Variants in PTPRN observed in about 807,000 individuals in gnomAD.
PTPRN encodes receptor-type tyrosine-protein phosphatase-like N.
PTPRN carries 70 observed loss-of-function variants against 108.5 expected under a neutral mutation model. That is an observed-to-expected ratio of 0.65 (90% CI 0.53 to 0.79). The LOEUF is 0.79. PTPRN is among the 30% of genes least tolerant of loss of function. The pLI is 0.00. For missense variants in PTPRN, 1,136 were observed against 1,295.5 expected (o/e 0.88, Z 1.89); for synonymous variants, 496 against 524.6 (o/e 0.95, Z 0.75).
chr2:219,296,033 T>A lies in PTPRN; in HGVS notation c.2508+193A>T. The A allele has an allele frequency of 1.4e-6, 1 of 700,330 alleles. No individual in the cohort carries two copies. 43.4% of individuals were successfully genotyped at this position (700,330 alleles called of 1,614,324 possible). ...ATGTTCTGTAAACAGGACACACACA[T>A]GTATATATGTGAATATATGGGTATG... On this transcript the variant is annotated intron_variant, in intron 18 of 22. Transcript: ENST00000295718. The surrounding 1 kb of genome is among the most constrained non-coding windows in gnomAD (Gnocchi z 6.0).
intron 1 of PTPRN, among the ~76,000 whole-genome samples, chr2:219,308,588 GCTGA>G (rs891443533): frequency 1.5e-5 from 2 of 136,242 alleles, no homozygotes; most frequent in African/African-American, 2.7e-5. Flanking sequence ...GTGAGTCAGC[GCTGA>G]CTGTCTCTGT....
intron 6 of PTPRN, 64 bp from the exon 7 acceptor site, chr2:219,301,783 G>C: frequency 6.5e-7 from 1 of 1,538,326 alleles, no homozygotes; most frequent in Non-Finnish European, 8.8e-7. Context: ...ATGCAGATGA[G>C]TGAGTGAGGG....
Position 219,307,464 on chromosome 2 carries a change from A to G in PTPRN, c.260T>C (p.Leu87Pro). The G allele has an allele frequency of 6.2e-7, 1 of 1,614,110 alleles. No individual in the cohort carries two copies. The highest frequency in any genetic ancestry group is 8.5e-7 in the Non-Finnish European group (1 of 1,179,998). The change falls in exon 3 of 23, where the codon CTC becomes CCC. Residue 87 changes from leucine to proline, a missense_variant. By Grantham distance (98) the Leu-to-Pro change is moderately conservative (BLOSUM62 -3). Coordinates refer to ENST00000295718, the MANE Select transcript of PTPRN (RefSeq NM_002846.4). Reference sequence around the variant, plus strand: ...CTTACCTTGGGACATGAGTTGTCGGAGCACACCTTGTAAGCGTTGGAGAAC... The same window carrying G: ...CTTACCTTGGGACATGAGTTGTCGGGGCACACCTTGTAAGCGTTGGAGAAC... Reference protein sequence around the residue: ...SPVLQRLQGVLRQLMSQGLSW... With the variant: ...SPVLQRLQGVPRQLMSQGLSW...
Position 219,291,934 on chromosome 2 carries a change from G to A in PTPRN, c.2676-411C>T, listed in dbSNP as rs958892311. On this transcript the variant is annotated intron_variant, in intron 19 of 22. Coordinates refer to ENST00000295718, the MANE Select transcript of PTPRN (RefSeq NM_002846.4). ...ATGGTAGCAGGTGGCAACTATTAATGATAATACATCATCATATTAAGAGAC... is the reference window on the plus strand; with the variant it reads ...ATGGTAGCAGGTGGCAACTATTAATAATAATACATCATCATATTAAGAGAC... 3 of 231,096 alleles carry A rather than the reference G, an allele frequency of 1.3e-5. No homozygotes were observed. The East Asian group carries it at 3.7e-4, about 29-fold the overall frequency. 14.3% of individuals were successfully genotyped at this position (231,096 alleles called of 1,614,324 possible). A position where few individuals can be genotyped will look rare whatever the true frequency, so the allele number is the denominator to read the frequency against.
Position 219,300,051 on chromosome 2 carries a change from G to C in PTPRN, c.1370C>G (p.Thr457Arg). The C allele has an allele frequency of 6.2e-7, 1 of 1,614,234 alleles. No individual in the cohort carries two copies. Among genetic ancestry groups the C allele is most frequent in the Non-Finnish European group, 8.5e-7 (1 of 1,180,046 alleles). Reference sequence around the variant, plus strand: ...GCGGGCTGAGGGCTGTCCTGCCACCGTGGGCTGGCTCTGGCCCAGTGGGCT... The same window carrying C: ...GCGGGCTGAGGGCTGTCCTGCCACCCTGGGCTGGCTCTGGCCCAGTGGGCT... ...KKSPLGQSQP[T>R]VAGQPSARPA... is the part of the protein sequence containing the mutation. The change falls in exon 9 of 23, where the codon ACG becomes AGG. Residue 457 changes from threonine (T) to arginine (R), a missense_variant. By Grantham distance (71) the Thr-to-Arg change is moderately conservative (BLOSUM62 -1). Coordinates refer to ENST00000295718, the MANE Select transcript of PTPRN (RefSeq NM_002846.4).
At chr2:219,298,852 A>G in intron 12 of PTPRN, 195 bp downstream of exon 12, 1 of 674,966 alleles carries the variant, frequency 1.5e-6, no homozygotes, top group Admixed American at 2.2e-5. Flanking sequence ...CTGGTCCTGC[A>G]GGGAGGGGAC....
chr2:219,303,863 C>T, intron 3 of PTPRN, 32 bp from the exon 4 acceptor site: 1 of 1,560,912 alleles, frequency 6.4e-7, no homozygotes, highest in Non-Finnish European at 8.7e-7. Context: ...TAAGTTGGTT[C>T]AGGAGTCTGG....
intron 19 of PTPRN, chr2:219,294,243 A>T (rs779912650): frequency 4.5e-4 from 204 of 453,648 alleles, no homozygotes; most frequent in Non-Finnish European, 2.1e-4. Flanking sequence ...AAGGACAGAG[A>T]GAGGAAAGAC....
chr2:219,301,802 G>C, intron 6 of PTPRN, 83 bp from the exon 7 acceptor site: 3 of 1,468,820 alleles, frequency 2.0e-6, no homozygotes, highest in Non-Finnish European at 2.8e-6. Flanking sequence ...GGTGGGAAGG[G>C]ACTAGCATGT....
In PTPRN at chr2:219,297,140, G is replaced by C. The variant is rs1354285076; in HGVS notation, c.2089-8C>G. ...GTGATCCTCCATGTATGCCTGTGGG[G>C]GCACCACGGTCTGGCTCTGGCCCAC... is the stretch of plus-strand genomic sequence containing the variant. On this transcript the variant is annotated splice_polypyrimidine_tract_variant and splice_region_variant and intron_variant, in intron 14 of 22. Transcript: ENST00000295718. The surrounding 1 kb of genome is among the most constrained non-coding windows in gnomAD (Gnocchi z 6.0). 1 of 1,613,596 alleles carries C rather than the reference G, an allele frequency of 6.2e-7. No homozygotes were observed. Among genetic ancestry groups the C allele is most frequent in the African/African-American group, 1.3e-5 (1 of 74,942 alleles).
At position 219,297,468 on chromosome 2, in the gene PTPRN, C is replaced by A; in HGVS notation, c.1888-35G>T. ...AAGAATCAGGTGAGGTCCAAGAGTC[C>A]CCTGAAACTTTTCAACAGGGCCCTG... is the stretch of plus-strand genomic sequence containing the variant. On this transcript the variant is annotated intron_variant, in intron 13 of 22. Transcript: ENST00000295718. This position sits in a 1 kb window ranked among gnomAD's most constrained non-coding sequence, Gnocchi z 6.0. 1 of 1,605,008 alleles carries A rather than the reference C, an allele frequency of 6.2e-7. No homozygotes were observed. The highest frequency in any genetic ancestry group is 8.5e-7 in the Non-Finnish European group (1 of 1,172,682).
chr2:219,298,990 C>T (rs533141499), intron 12 of PTPRN, 57 bp downstream of exon 12: 4 of 1,602,430 alleles, frequency 2.5e-6, no homozygotes, highest in East Asian at 2.2e-5. Context: ...GCCTCCAGCT[C>T]TTGCGGACAA....
chr2:219,299,334 A>G lies in PTPRN; in HGVS notation c.1574T>C (p.Leu525Pro), dbSNP rs1342977180. ...TTGTTGGGTCACATCAGCCAAAGAC[A>G]GGTTCTGCTCATTGTGCCGGATGCG... ...TFRIRHNEQN[L>P]SLADVTQQAG... Residue 525 changes from leucine (L) to proline (P), a missense_variant, in exon 11 of 23, where the codon CTG becomes CCG. Coordinates refer to ENST00000295718, the MANE Select transcript of PTPRN (RefSeq NM_002846.4). 6.2e-7 allele frequency: 1 copy of G among 1,614,224 alleles called. No individual in the cohort carries two copies. Among genetic ancestry groups the G allele is most frequent in the Non-Finnish European group, 8.5e-7 (1 of 1,180,028 alleles).
At chr2:219,291,447 A>G (rs752018996) in intron 20 of PTPRN, 23 bp downstream of exon 20, 15 of 1,611,888 alleles carry the variant, frequency 9.3e-6, no homozygotes, top group Non-Finnish European at 1.3e-5. Flanking sequence ...GGGACCAGAG[A>G]GATGAATCTC....
chr2:219,303,768 C>G lies in PTPRN; in HGVS notation c.344G>C (p.Arg115Thr). 6.2e-7 allele frequency: 1 copy of G among 1,614,024 alleles called. No homozygotes were observed. Among genetic ancestry groups the G allele is most frequent in the Admixed American group, 1.7e-5 (1 of 60,004 alleles). Reference protein sequence around the residue: ...VISQEMERIPRLRPPEPRPRD... With the variant: ...VISQEMERIPTLRPPEPRPRD... ...TGGACGGGGCTCTGGGGGGCGAAGC[C>G]TGGGGATGCGCTCCATCTCCTGAGA... Residue 115 changes from arginine (R) to threonine (T), a missense_variant, in exon 4 of 23, where the codon AGG becomes ACG. Transcript: ENST00000295718.
Position 219,294,746 on chromosome 2 carries a change from G to C in PTPRN, c.2675+229C>G, listed in dbSNP as rs576216233. Among the ~76,000 whole-genome samples, 22 of 152,092 alleles carry C rather than the reference G, an allele frequency of 1.4e-4. No individual in the cohort carries two copies. The South Asian group carries it at 4.3e-3, about 30-fold the overall frequency. On this transcript the variant is annotated intron_variant, in intron 19 of 22. Coordinates refer to ENST00000295718, the MANE Select transcript of PTPRN (RefSeq NM_002846.4). ...AGCGTGAGAGGGAGGGAGCAGAGCAGCAGCGGCCGGCGCGGAGCTGGCCCA... is the reference window on the plus strand; with the variant it reads ...AGCGTGAGAGGGAGGGAGCAGAGCACCAGCGGCCGGCGCGGAGCTGGCCCA...
At position 219,289,870 on chromosome 2, in the gene PTPRN, T is replaced by C. The variant is rs1003729367; in HGVS notation, c.*356A>G. 3 of 239,030 alleles carry C rather than the reference T, an allele frequency of 1.3e-5. No homozygotes were observed. Among genetic ancestry groups the C allele is most frequent in the African/African-American group, 2.3e-5 (1 of 44,382 alleles). The allele number at this position is 239,030 out of a possible 1,614,324, so 14.8% of individuals were successfully genotyped here. On this transcript the variant is annotated 3_prime_UTR_variant, in exon 23 of 23. Coordinates refer to ENST00000295718, the MANE Select transcript of PTPRN (RefSeq NM_002846.4). The stretch of plus-strand genomic sequence containing the variant: ...CACCCCATTCTTCCATACTGGAGCA[T>C]AGGGGGACACACACAGATGTTCAGG...
chr2:219,296,164 C>G lies in PTPRN; in HGVS notation c.2508+62G>C, dbSNP rs140623114. 1 of 1,597,022 alleles carries G rather than the reference C, an allele frequency of 6.3e-7. No homozygotes were observed. The highest frequency in any genetic ancestry group is 1.1e-5 in the South Asian group (1 of 90,496). On this transcript the variant is annotated intron_variant, in intron 18 of 22. Transcript: ENST00000295718. This position sits in a 1 kb window ranked among gnomAD's most constrained non-coding sequence, Gnocchi z 6.0. ...TGCTCATTTGGTGAAGAAAACGTTACGAAAAGGCCATCATCTACTCTTCCC... is the reference window on the plus strand; with the variant it reads ...TGCTCATTTGGTGAAGAAAACGTTAGGAAAAGGCCATCATCTACTCTTCCC...
At chr2:219,302,526 G>T (rs1461962912) in intron 5 of PTPRN, 35 bp from the exon 6 acceptor site, 1 of 1,613,602 alleles carries the variant, frequency 6.2e-7, no homozygotes, top group Non-Finnish European at 8.5e-7. Flanking sequence ...AAGAGCAGAA[G>T]TCCGGGCTGA....
Sources: gnomAD v4.1 joint callset for allele counts (sites outside exome capture counted in the v4.1 genomes callset) on GRCh38, gnomAD v4.1.1 for gene constraint, Gnocchi (gnomAD v3.1) non-coding constraint, MANE v1.5 for transcripts, NCBI Gene and HGNC (gene_info 2026-07-23, HGNC 2026-07-21) for gene names.